FOXN2: variants seen among roughly 807,000 people sequenced by gnomAD.
FOXN2 encodes the protein forkhead box protein N2.
FOXN2 carries 19 observed loss-of-function variants against 41.2 expected under a neutral mutation model. The ratio of observed to expected loss-of-function variants is 0.46; its 90% CI spans 0.32 to 0.68. FOXN2 has a LOEUF of 0.68. FOXN2 is among the 30% of genes least tolerant of loss of function. FOXN2 has a pLI of 0.03. For missense variants in FOXN2, 587 were observed against 509.4 expected (o/e 1.15, Z -1.47); for synonymous variants, 195 against 176.8 (o/e 1.10, Z -0.82).
chr2:48,357,233 CAG>C (rs1671853782), intron 3 of FOXN2, among the ~76,000 whole-genome samples: 1 of 152,118 alleles, frequency 6.6e-6, no homozygotes, highest in Non-Finnish European at 1.5e-5. Context: ...TTTTCAATAC[CAG>C]TTTTTCCAAT....
At chr2:48,315,750 T>C (rs1435293040) in intron 1 of FOXN2, among the ~76,000 whole-genome samples, 1 of 152,190 alleles carries the variant, frequency 6.6e-6, no homozygotes, top group Non-Finnish European at 1.5e-5. Flanking sequence ...AATGCCTCTT[T>C]TTCCACTGCA....
chr2:48,327,003 G>A (rs961070536), intron 1 of FOXN2, among the ~76,000 whole-genome samples: 1 of 152,054 alleles, frequency 6.6e-6, no homozygotes. Context: ...TGTTGACCTA[G>A]GCTATAGTTG....
At chr2:48,330,706 A>G (rs1462181505) in intron 2 of FOXN2, among the ~76,000 whole-genome samples, 1 of 152,146 alleles carries the variant, frequency 6.6e-6, no homozygotes, top group African/African-American at 2.4e-5. Flanking sequence ...TCAATAACAT[A>G]AAGTTTCCAA....
At chr2:48,356,323 C>A (rs911388193) in intron 3 of FOXN2, among the ~76,000 whole-genome samples, 1 of 151,812 alleles carries the variant, frequency 6.6e-6, no homozygotes, top group Non-Finnish European at 1.5e-5. Flanking sequence ...CACCTGTAAT[C>A]CCAGCTACTT....
chr2:48,355,997 C>T (rs1440392034), intron 3 of FOXN2, among the ~76,000 whole-genome samples: 1 of 152,178 alleles, frequency 6.6e-6, no homozygotes, highest in Non-Finnish European at 1.5e-5. Context: ...GTGGCACTTA[C>T]ACCTGTAATT....
At chr2:48,348,920 T>C (rs1671280675) in intron 3 of FOXN2, among the ~76,000 whole-genome samples, 1 of 152,226 alleles carries the variant, frequency 6.6e-6, no homozygotes, top group African/African-American at 2.4e-5. Flanking sequence ...TGCTTGTTAC[T>C]TGGAGCAAGG....
chr2:48,342,913 G>A (rs568389320), intron 2 of FOXN2, among the ~76,000 whole-genome samples: 2 of 152,236 alleles, frequency 1.3e-5, no homozygotes, highest in East Asian at 3.9e-4. Context: ...ATATTTTGCT[G>A]CCATACTATT....
intron 4 of FOXN2, 113 bp from the exon 5 acceptor site, chr2:48,362,530 C>G (rs1672256113): frequency 2.4e-6 from 2 of 820,482 alleles, no homozygotes; most frequent in East Asian, 2.6e-5. Flanking sequence ...AATCATGCCA[C>G]TGCACTCCAG....
intron 2 of FOXN2, among the ~76,000 whole-genome samples, chr2:48,329,574 T>C (rs931735527): frequency 6.6e-6 from 1 of 152,186 alleles, no homozygotes; most frequent in African/African-American, 2.4e-5. Context: ...GATCACATGC[T>C]GTGTCACCTA....
chr2:48,334,622 T>G (rs1221898021), intron 2 of FOXN2, among the ~76,000 whole-genome samples: 1 of 152,180 alleles, frequency 6.6e-6, no homozygotes, highest in African/African-American at 2.4e-5. Flanking sequence ...GGGAGAGTAC[T>G]TAGGCCAGGC....
intron 5 of FOXN2, among the ~76,000 whole-genome samples, chr2:48,364,625 A>T (rs1046217851): frequency 7.9e-5 from 12 of 152,192 alleles, no homozygotes; most frequent in African/African-American, 2.9e-4. Context: ...CAGTAGAGTT[A>T]TTACCTTTTC....
upstream of FOXN2, among the ~76,000 whole-genome samples, chr2:48,313,766 T>G (rs143568925): frequency 4.6e-5 from 7 of 152,342 alleles, no homozygotes; most frequent in East Asian, 1.3e-3. Context: ...TTTCCGTATC[T>G]GTAAAGTTTC....
intron 5 of FOXN2, among the ~76,000 whole-genome samples, chr2:48,366,532 G>C (rs1672549008): frequency 6.6e-6 from 1 of 152,076 alleles, no homozygotes; most frequent in African/African-American, 2.4e-5. Context: ...GGTAGATGTG[G>C]TCATTTGCGT....
intron 5 of FOXN2, among the ~76,000 whole-genome samples, chr2:48,368,711 C>A (rs1050768000): frequency 2.0e-5 from 3 of 152,076 alleles, no homozygotes; most frequent in Middle Eastern, 3.2e-3. Flanking sequence ...AACGAATCAA[C>A]GAAAATAGAT....
Position 48,373,352 on chromosome 2 carries a change from T to C in FOXN2, c.764T>C (p.Ile255Thr). Residue 255 changes from isoleucine (I) to threonine (T), a missense_variant, in exon 6 of 7, where the codon ATT becomes ACT. Coordinates refer to ENST00000340553, the MANE Select transcript of FOXN2 (RefSeq NM_002158.4). ...MLLNTSIEQG[I>T]LECEKPLPLK... ...TTAAATACTTCTATAGAACAAGGAA[T>C]TTTAGAATGTAAGTAATCATGCCTT... is the stretch of plus-strand genomic sequence containing the variant. 6.4e-7 allele frequency: 1 copy of C among 1,573,276 alleles called. No individual in the cohort carries two copies.
intron 1 of FOXN2, among the ~76,000 whole-genome samples, chr2:48,321,345 T>TG (rs1223802546): frequency 6.6e-6 from 1 of 152,052 alleles, no homozygotes; most frequent in East Asian, 1.9e-4. Context: ...ACCGTCTGGC[T>TG]AACACGGTGA....
At chr2:48,320,020 T>C (rs1372943239) in intron 1 of FOXN2, among the ~76,000 whole-genome samples, 2 of 151,920 alleles carry the variant, frequency 1.3e-5, no homozygotes, top group Admixed American at 6.6e-5. Flanking sequence ...ATTGAGGAAA[T>C]TGACACATTT....
At chr2:48,342,340 C>A (rs1670829903) in intron 2 of FOXN2, among the ~76,000 whole-genome samples, 1 of 152,002 alleles carries the variant, frequency 6.6e-6, no homozygotes, top group African/African-American at 2.4e-5. Context: ...TTTCCATTAT[C>A]TTTAATAATT....
At chr2:48,326,292 T>C (rs775183106) in intron 1 of FOXN2, among the ~76,000 whole-genome samples, 3 of 152,066 alleles carry the variant, frequency 2.0e-5, no homozygotes, top group Non-Finnish European at 2.9e-5. Flanking sequence ...TATTCAGATA[T>C]CCGAAATGGA....
Sources: gnomAD v4.1 joint callset for allele counts (sites outside exome capture counted in the v4.1 genomes callset) on GRCh38, gnomAD v4.1.1 for gene constraint, MANE v1.5 for transcripts, NCBI Gene and HGNC (gene_info 2026-07-23, HGNC 2026-07-21) for gene names.